The following EVI5 variants were observed in gnomAD, a reference collection of about 807,000 sequenced individuals.
The protein encoded by EVI5 is ecotropic viral integration site 5, also known as ecotropic viral integration site 5 protein homolog.
In EVI5, 73 loss-of-function variants were observed where a neutral mutation model predicts 112.0. The ratio of observed to expected loss-of-function variants is 0.65; its 90% CI spans 0.54 to 0.79. EVI5 has a LOEUF of 0.79. EVI5 is among the 30% of genes least tolerant of loss of function. EVI5 has a pLI of 0.00. For synonymous variants in EVI5, 305 were observed against 319.9 expected (o/e 0.95, Z 0.50); for missense variants, 900 against 968.8 (o/e 0.93, Z 0.94).
intron 19 of EVI5, among the ~76,000 whole-genome samples, chr1:92,549,529 A>G (rs1666414956): frequency 6.6e-6 from 1 of 151,942 alleles, no homozygotes; most frequent in Non-Finnish European, 1.5e-5. Context: ...GCTTCTGCAC[A>G]GCAAAAGAAA....
intron 1 of EVI5, among the ~76,000 whole-genome samples, chr1:92,772,324 A>C (rs572796174): frequency 8.6e-5 from 13 of 151,800 alleles, no homozygotes; most frequent in Non-Finnish European, 1.0e-4. Context: ...TGGCCAGGCG[A>C]GGTGGCTCAC....
At chr1:92,710,674 C>T (rs1672705667) in intron 2 of EVI5, among the ~76,000 whole-genome samples, 1 of 151,066 alleles carries the variant, frequency 6.6e-6, no homozygotes, top group Non-Finnish European at 1.5e-5. Flanking sequence ...TGGGTCACTA[C>T]AGGTTTCTCT....
At chr1:92,776,510 T>C (rs1349624686) in intron 1 of EVI5, among the ~76,000 whole-genome samples, 1 of 152,202 alleles carries the variant, frequency 6.6e-6, no homozygotes, top group Non-Finnish European at 1.5e-5. Context: ...ACTTTATTAA[T>C]CTTTAGTAAT....
rs1650131201 is a variant in EVI5 at position 92,605,318 on chromosome 1, G to A, written c.2059C>T (p.Leu687Phe). ...VAELRQHIAE[L>F]EIQKEEGKLQ... is the part of the protein sequence containing the mutation. ...TTTTCATATGGTACCTGGATTTCAAGCTCAGCAATGTGTTGTCGTAGTTCA... is the reference window on the plus strand; with the variant it reads ...TTTTCATATGGTACCTGGATTTCAAACTCAGCAATGTGTTGTCGTAGTTCA... The change falls in exon 18 of 20, where the codon CTT (leucine) becomes TTT (phenylalanine). Residue 687 changes from leucine to phenylalanine, a missense_variant. By Grantham distance (22) the Leu-to-Phe change is conservative. Transcript: ENST00000684568. The A allele has an allele frequency of 6.2e-7, 1 of 1,607,828 alleles. No homozygotes were observed. Among genetic ancestry groups the A allele is most frequent in the African/African-American group, 1.3e-5 (1 of 74,892 alleles).
At chr1:92,760,778 C>T (rs1353703909) in intron 1 of EVI5, among the ~76,000 whole-genome samples, 13 of 145,102 alleles carry the variant, frequency 9.0e-5, no homozygotes, top group South Asian at 6.7e-4. Flanking sequence ...ATGAATAGGC[C>T]GGGCGCAGTG....
chr1:92,733,475 C>G lies in EVI5; in HGVS notation c.149+2923G>C, dbSNP rs369122272. 3.8e-4 allele frequency among the ~76,000 whole-genome samples: 58 copies of G among 150,702 alleles called. No homozygotes were observed. In the South Asian group the frequency reaches 0.011, roughly 28 times the overall value. ...AAGCTGGAATGCAGTGGCATGATCT[C>G]AGCTAACTGCAACCTCCACCTCCCA... On this transcript the variant is annotated intron_variant, in intron 2 of 19. Coordinates refer to ENST00000684568, the MANE Select transcript of EVI5 (RefSeq NM_001350197.2).
At chr1:92,707,114 G>A (rs1025490791) in intron 2 of EVI5, among the ~76,000 whole-genome samples, 1 of 149,496 alleles carries the variant, frequency 6.7e-6, no homozygotes, top group African/African-American at 2.5e-5. Context: ...GGGAGGCGGA[G>A]GTTGCGGTGA....
At chr1:92,590,051 G>A (rs778260293) in intron 18 of EVI5, among the ~76,000 whole-genome samples, 4 of 152,170 alleles carry the variant, frequency 2.6e-5, no homozygotes, top group East Asian at 1.9e-4. Context: ...TGCAGCTAAC[G>A]GTCCTGACTG....
intron 1 of EVI5, among the ~76,000 whole-genome samples, chr1:92,772,012 G>T (rs1477578648): frequency 6.6e-6 from 1 of 151,622 alleles, no homozygotes; most frequent in African/African-American, 2.4e-5. Flanking sequence ...ACACCACCAC[G>T]CCCAGCTAAT....
intron 18 of EVI5, among the ~76,000 whole-genome samples, chr1:92,596,441 T>C (rs1647887172): frequency 6.6e-6 from 1 of 152,156 alleles, no homozygotes; most frequent in South Asian, 2.1e-4. Context: ...AATATGTGAA[T>C]ATCCTCAAAT....
chr1:92,590,356 A>G (rs1673605608), intron 18 of EVI5, among the ~76,000 whole-genome samples: 1 of 152,180 alleles, frequency 6.6e-6, no homozygotes, highest in South Asian at 2.1e-4. Context: ...CAAAGAAGTT[A>G]AAGACCTTGA....
chr1:92,639,143 A>C (rs1659457155), intron 13 of EVI5, among the ~76,000 whole-genome samples: 1 of 152,208 alleles, frequency 6.6e-6, no homozygotes, highest in Non-Finnish European at 1.5e-5. Context: ...AATGAATCTC[A>C]TAATGTTTCT....
chr1:92,678,268 T>C lies in EVI5; in HGVS notation c.1098-1050A>G, dbSNP rs150350051. ...ACATGACACTGACCACGGTGGATCA[T>C]GCCTCTAATCCCAGCACTTTGGGGG... is the stretch of plus-strand genomic sequence containing the variant. On this transcript the variant is annotated intron_variant, in intron 9 of 19. Coordinates refer to ENST00000684568, the MANE Select transcript of EVI5 (RefSeq NM_001350197.2). 1.4e-3 allele frequency among the ~76,000 whole-genome samples: 218 copies of C among 152,314 alleles called. 2 individuals carry two copies. The highest frequency in any genetic ancestry group is 5.0e-3 in the African/African-American group (208 of 41,576).
intron 1 of EVI5, chr1:92,756,312 C>A: frequency 2.1e-6 from 1 of 465,486 alleles, no homozygotes; most frequent in Non-Finnish European, 4.4e-6. Context: ...GATGGCTGGC[C>A]AACGATTTGC....
chr1:92,556,253 G>A (rs552614411), intron 19 of EVI5, among the ~76,000 whole-genome samples: 6 of 151,906 alleles, frequency 3.9e-5, no homozygotes, highest in Admixed American at 2.6e-4. Context: ...TAGTAGAGAC[G>A]GGGTTTCACC....
At chr1:92,758,269 T>C (rs1291780432) in intron 1 of EVI5, among the ~76,000 whole-genome samples, 2 of 152,066 alleles carry the variant, frequency 1.3e-5, no homozygotes, top group Non-Finnish European at 2.9e-5. Flanking sequence ...TGTGATTTTG[T>C]TTTAAAAAGT....
intron 19 of EVI5, among the ~76,000 whole-genome samples, chr1:92,559,392 C>T (rs1557784510): frequency 6.6e-6 from 1 of 152,112 alleles, no homozygotes; most frequent in Non-Finnish European, 1.5e-5. Context: ...AGCATTGTTT[C>T]TCAAAATAAC....
At chr1:92,610,855 C>A (rs1401978305) in intron 16 of EVI5, among the ~76,000 whole-genome samples, 1 of 151,232 alleles carries the variant, frequency 6.6e-6, no homozygotes, top group Non-Finnish European at 1.5e-5. Flanking sequence ...TACAATTAAA[C>A]CAAACACCAC....
At chr1:92,529,339 A>G (rs759927397) in intron 19 of EVI5, among the ~76,000 whole-genome samples, 8 of 151,986 alleles carry the variant, frequency 5.3e-5, no homozygotes, top group Non-Finnish European at 1.0e-4. Flanking sequence ...GTTTGCTAAC[A>G]TGAACTCTCA....
Sources: gnomAD v4.1 joint callset for allele counts (sites outside exome capture counted in the v4.1 genomes callset) on GRCh38, gnomAD v4.1.1 for gene constraint, MANE v1.5 for transcripts, NCBI Gene and HGNC (gene_info 2026-07-23, HGNC 2026-07-21) for gene names.